The following PDE10A variants were observed in gnomAD, a reference collection of about 807,000 sequenced individuals.
The protein encoded by PDE10A is cAMP and cAMP-inhibited cGMP 3',5'-cyclic phosphodiesterase 10A.
Under a neutral mutation model 97.7 loss-of-function variants are expected in PDE10A, and 39 were observed. The observed-to-expected ratio is 0.40, with a 90% CI of 0.31 to 0.52. The LOEUF (loss-of-function observed/expected upper bound fraction) is 0.52. Among genes scored for constraint, PDE10A ranks in the 20% least tolerant of loss-of-function variants. The pLI, the probability that PDE10A is intolerant of heterozygous loss-of-function variation, is 0.56. For synonymous variants in PDE10A, 371 were observed against 376.8 expected (o/e 0.98, Z 0.18); for missense variants, 731 against 1,047.8 (o/e 0.70, Z 4.17).
intron 1 of PDE10A, among the ~76,000 whole-genome samples, chr6:165,749,353 T>A (rs372019949): frequency 1.2e-5 from 1 of 86,040 alleles, no homozygotes; most frequent in Non-Finnish European, 2.5e-5. Flanking sequence ...ACCACCATTA[T>A]CACCATCACC....
chr6:165,438,942 A>G (rs1263849360), intron 5 of PDE10A, among the ~76,000 whole-genome samples: 5 of 144,868 alleles, frequency 3.5e-5, no homozygotes, highest in Non-Finnish European at 6.0e-5. Context: ...TGGGTGACAG[A>G]GTGAGACCCT....
chr6:165,549,890 A>C (rs73250034), intron 1 of PDE10A, among the ~76,000 whole-genome samples: 1,760 of 152,318 alleles, frequency 0.012, 36 homozygotes, highest in African/African-American at 0.04. Context: ...ATTAGTAATC[A>C]TAGGTACTAA....
At chr6:165,482,364 G>A in intron 2 of PDE10A, 21 bp from the exon 3 acceptor site, 1 of 1,590,854 alleles carries the variant, frequency 6.3e-7, no homozygotes, top group South Asian at 1.1e-5. Flanking sequence ...AGAAGGAAGA[G>A]GGAAAAACAC....
At position 165,454,250 on chromosome 6, in the gene PDE10A, C is replaced by G. The variant is rs146791337; in HGVS notation, c.1024-3888G>C. Among the ~76,000 whole-genome samples the G allele has an allele frequency of 6.5e-3, 990 of 152,256 alleles. 11 individuals are homozygous for G. Among genetic ancestry groups the G allele is most frequent in the African/African-American group, 0.022 (928 of 41,532 alleles). On this transcript the variant is annotated intron_variant, in intron 3 of 21. Coordinates refer to ENST00000539869, the MANE Select transcript of PDE10A (RefSeq NM_001385079.1). The stretch of plus-strand genomic sequence containing the variant: ...GAAGGTTTGTTTCAGGACGAATTGT[C>G]CCTTGAGTCTCACTCATACCTGATT...
At position 165,413,656 on chromosome 6, in the gene PDE10A, G is replaced by T; in HGVS notation, c.1921C>A (p.Arg641=). The T allele has an allele frequency of 6.2e-7, 1 of 1,614,028 alleles. No homozygotes were observed. The highest frequency in any genetic ancestry group is 8.5e-7 in the Non-Finnish European group (1 of 1,179,958). Residue 641 remains arginine, a synonymous_variant, in exon 13 of 22, where the codon CGG becomes AGG. Coordinates refer to ENST00000539869, the MANE Select transcript of PDE10A (RefSeq NM_001385079.1). ...EVDLYTGYTT[R]NILCMPIVSR... ...ACGATGGGCATGCACAGGATGTTCCGCGTGGTGTAGCCTGTGTACAAGTCT... is the reference window on the plus strand; with the variant it reads ...ACGATGGGCATGCACAGGATGTTCCTCGTGGTGTAGCCTGTGTACAAGTCT...
chr6:165,668,915 T>G lies in PDE10A; in HGVS notation c.-614-125347A>C, dbSNP rs1430305848. On this transcript the variant is annotated intron_variant, in intron 1 of 19. Transcript: ENST00000366882. ...GAGACAATGCTTTTTGTCCCTGAGC[T>G]TCTCTTGTTCAAGTGCAGAACAGAA... Among the ~76,000 whole-genome samples, 3 of 152,184 alleles carry G rather than the reference T, an allele frequency of 2.0e-5. No homozygotes were observed. In the East Asian group the frequency reaches 5.8e-4, roughly 29 times the overall value.
intron 1 of PDE10A, among the ~76,000 whole-genome samples, chr6:165,842,938 C>T (rs1780300755): frequency 6.6e-6 from 1 of 152,256 alleles, no homozygotes; most frequent in South Asian, 2.1e-4. Context: ...GGAATCACAA[C>T]ATCTGCCTTG....
At chr6:165,407,358 A>G (rs565653560) in intron 13 of PDE10A, among the ~76,000 whole-genome samples, 1 of 152,196 alleles carries the variant, frequency 6.6e-6, no homozygotes, top group Non-Finnish European at 1.5e-5. Context: ...CCCTTGGGGA[A>G]ATTATTTAAA....
rs1790312020 is a variant in PDE10A, at chr6:165,662,230, G to A, written c.582C>T (p.Leu194=). Residue 194 remains leucine (L), a synonymous_variant, in exon 1 of 22, where the codon CTC becomes CTT. Transcript: ENST00000539869. ...AGCCCTGGAGCGCAGGCGAGAGGAA[G>A]AGCCGCCGCCGCCCGCCGCCGCTGC... ...GGGSGGGRRR[L]FLSPALQGLL... is the part of the protein sequence containing the mutation. The A allele has an allele frequency of 5.4e-6, 1 of 184,072 alleles. No individual in the cohort carries two copies. Among genetic ancestry groups the A allele is most frequent in the Non-Finnish European group, 1.0e-5 (1 of 96,756 alleles). The allele number at this position is 184,072 out of a possible 1,614,324, so 11.4% of individuals were successfully genotyped here.
At chr6:165,735,085 T>C (rs1014393660) in intron 1 of PDE10A, among the ~76,000 whole-genome samples, 1 of 151,482 alleles carries the variant, frequency 6.6e-6, no homozygotes, top group African/African-American at 2.4e-5. Flanking sequence ...GGTAGGTTTG[T>C]AGGTAGGTAG....
At chr6:165,376,464 A>T (rs944939356) in intron 18 of PDE10A, among the ~76,000 whole-genome samples, 2 of 152,262 alleles carry the variant, frequency 1.3e-5, no homozygotes, top group African/African-American at 4.8e-5. Flanking sequence ...TGTTTGACAA[A>T]GCAGGGGCAG....
chr6:165,927,435 A>G (rs1315058065), intron 1 of PDE10A, among the ~76,000 whole-genome samples: 1 of 151,978 alleles, frequency 6.6e-6, no homozygotes, highest in Non-Finnish European at 1.5e-5. Context: ...CAATACAGTA[A>G]GATTTTTAAA....
intron 1 of PDE10A, among the ~76,000 whole-genome samples, chr6:165,887,830 A>C (rs2128481626): frequency 6.6e-6 from 1 of 152,288 alleles, no homozygotes; most frequent in South Asian, 2.1e-4. Context: ...CAATAATGGG[A>C]GCCAGAGTGA....
chr6:165,825,948 T>G (rs1459920463), intron 1 of PDE10A, among the ~76,000 whole-genome samples: 5 of 152,134 alleles, frequency 3.3e-5, no homozygotes, highest in Non-Finnish European at 5.9e-5. Flanking sequence ...CCTAAAATAT[T>G]ACAGTCATAA....
In PDE10A at chr6:165,810,493, T is replaced by C. The variant is rs1347576970; in HGVS notation, c.-615+177036A>G. On this transcript the variant is annotated intron_variant, in intron 1 of 19. Transcript: ENST00000366882. Reference sequence around the variant, plus strand: ...CACATCCTCAGAGCACTCAGCTTCATGGGCCAACTGTAACATCCCTGTCCA... The same window carrying C: ...CACATCCTCAGAGCACTCAGCTTCACGGGCCAACTGTAACATCCCTGTCCA... Among the ~76,000 whole-genome samples, 4 of 152,318 alleles carry C rather than the reference T, an allele frequency of 2.6e-5. No individual in the cohort carries two copies. The East Asian group carries it at 7.7e-4, about 29-fold the overall frequency.
At chr6:165,402,495 G>T (rs1287689042) in intron 13 of PDE10A, among the ~76,000 whole-genome samples, 1 of 152,050 alleles carries the variant, frequency 6.6e-6, no homozygotes, top group Non-Finnish European at 1.5e-5. Context: ...ACTGATGAAG[G>T]TAGAAAACTA....
At chr6:165,974,706 T>C (rs1784798871) in intron 1 of PDE10A, among the ~76,000 whole-genome samples, 1 of 152,216 alleles carries the variant, frequency 6.6e-6, no homozygotes, top group Admixed American at 6.5e-5. Context: ...GACCACAGTA[T>C]GCTAGATTCT....
At chr6:165,733,571 G>A (rs890240237) in intron 1 of PDE10A, among the ~76,000 whole-genome samples, 1 of 152,212 alleles carries the variant, frequency 6.6e-6, no homozygotes, top group African/African-American at 2.4e-5. Context: ...TAGAAGAATA[G>A]AGCATTAGCA....
chr6:165,719,106 A>G (rs1032355438), intron 1 of PDE10A, among the ~76,000 whole-genome samples: 2 of 152,178 alleles, frequency 1.3e-5, no homozygotes, highest in Non-Finnish European at 2.9e-5. Flanking sequence ...AAATAGAACA[A>G]AACCAGCAAA....
Sources: gnomAD v4.1 joint callset for allele counts (sites outside exome capture counted in the v4.1 genomes callset) on GRCh38, gnomAD v4.1.1 for gene constraint, MANE v1.5 for transcripts, NCBI Gene and HGNC (gene_info 2026-07-23, HGNC 2026-07-21) for gene names.